RBMS2: variants seen among roughly 807,000 people sequenced by gnomAD.
RBMS2 encodes RNA binding motif single stranded interacting protein 2.
Under a neutral mutation model 58.4 loss-of-function variants are expected in RBMS2, and 38 were observed. The ratio of observed to expected loss-of-function variants is 0.65; its 90% CI spans 0.50 to 0.85. The LOEUF is 0.85. Ranked by LOEUF, RBMS2 falls within the 40% of genes least tolerant of loss-of-function variation. The probability of loss-of-function intolerance (pLI) is 0.00; values close to 1 mark genes in which losing one functional copy is unlikely to be tolerated. For missense variants in RBMS2, 367 were observed against 503.7 expected (o/e 0.73, Z 2.60); for synonymous variants, 151 against 180.7 (o/e 0.84, Z 1.32).
At chr12:56,579,457 C>T (rs1022811292) in intron 5 of RBMS2, among the ~76,000 whole-genome samples, 4 of 151,936 alleles carry the variant, frequency 2.6e-5, no homozygotes, top group African/African-American at 4.8e-5. Flanking sequence ...GGTGAAACCC[C>T]GTCTCTACTA....
At chr12:56,538,513 TG>T (rs1875413687) in intron 1 of RBMS2, among the ~76,000 whole-genome samples, 2 of 131,008 alleles carry the variant, frequency 1.5e-5, no homozygotes, top group South Asian at 5.5e-4. Context: ...AGTCTCAGGC[TG>T]TCTCACTCTG....
intron 1 of RBMS2, among the ~76,000 whole-genome samples, chr12:56,547,357 A>T (rs1877428990): frequency 6.6e-6 from 1 of 151,126 alleles, no homozygotes; most frequent in South Asian, 2.1e-4. Context: ...CTCCATCTGA[A>T]AAAACAAAAA....
chr12:56,546,657 CAG>C (rs1046397521), intron 1 of RBMS2, among the ~76,000 whole-genome samples: 11 of 151,904 alleles, frequency 7.2e-5, no homozygotes, highest in African/African-American at 2.7e-4. Context: ...TTAGTAGAGA[CAG>C]AACTTCACCA....
chr12:56,586,809 G>C (rs1884730937), intron 9 of RBMS2, 40 bp from the exon 10 acceptor site: 2 of 1,532,748 alleles, frequency 1.3e-6, no homozygotes, highest in South Asian at 2.2e-5. Context: ...CTGAATAATA[G>C]TTTCCAGGCA....
At position 56,591,498 on chromosome 12, in the gene RBMS2, C is replaced by G. The variant is rs1885304157; in HGVS notation, c.*2365C>G. ...TATCCAGTGTAAAATAGCCCCAAGC[C>G]CAGCAACCTTCTAGAGGGCTCTGGC... On this transcript the variant is annotated 3_prime_UTR_variant, in exon 14 of 14. Transcript: ENST00000262031. 1 of 152,136 alleles carries G rather than the reference C, an allele frequency of 6.6e-6. No individual in the cohort carries two copies. The highest frequency in any genetic ancestry group is 1.5e-5 in the Non-Finnish European group (1 of 68,026). 9.4% of individuals were successfully genotyped at this position (152,136 alleles called of 1,614,324 possible).
intron 7 of RBMS2, 92 bp downstream of exon 7, chr12:56,581,600 G>A (rs1645157880): frequency 7.4e-7 from 1 of 1,343,638 alleles, no homozygotes; most frequent in Admixed American, 1.9e-5. Flanking sequence ...TAGGTGGAAA[G>A]CTTGAGAGCT....
chr12:56,535,376 T>C (rs7299656), intron 1 of RBMS2, among the ~76,000 whole-genome samples: 67,628 of 150,700 alleles, frequency 0.45, 15,924 homozygotes, highest in East Asian at 0.59. Context: ...ATGCCTGTGG[T>C]CCCAGCTACT....
At position 56,589,266 on chromosome 12, in the gene RBMS2, C is replaced by T. The variant is rs145048657; in HGVS notation, c.*133C>T. ...CTGCTAAGGACTAACACTTAGCCAT[C>T]GTTTTTCACAGGCCTGGGCCTGGAA... On this transcript the variant is annotated 3_prime_UTR_variant, in exon 14 of 14. Transcript: ENST00000262031. 18 of 1,441,890 alleles carry T rather than the reference C, an allele frequency of 1.2e-5. No homozygotes were observed. Among genetic ancestry groups the T allele is most frequent in the African/African-American group, 2.8e-5 (2 of 70,858 alleles). The allele number at this position is 1,441,890 out of a possible 1,614,324, so 89.3% of individuals were successfully genotyped here.
At chr12:56,588,604 G>A (rs1885004265) in intron 12 of RBMS2, 2 of 584,676 alleles carry the variant, frequency 3.4e-6, no homozygotes, top group South Asian at 4.3e-5. Flanking sequence ...GCAAATTTGT[G>A]AAGCGTTCCA....
chr12:56,536,705 C>G (rs1015879436), intron 1 of RBMS2, among the ~76,000 whole-genome samples: 2 of 148,066 alleles, frequency 1.4e-5, no homozygotes, highest in Non-Finnish European at 3.0e-5. Flanking sequence ...GTAGCTGGGA[C>G]TACAGGCGTT....
chr12:56,559,712 G>A (rs1310937481), intron 1 of RBMS2, among the ~76,000 whole-genome samples: 3 of 150,062 alleles, frequency 2.0e-5, no homozygotes, highest in Middle Eastern at 3.4e-3. Context: ...TTAGCCAGGC[G>A]TGGTGGCGGG....
intron 5 of RBMS2, chr12:56,573,086 C>G: frequency 1.1e-6 from 1 of 943,016 alleles, no homozygotes; most frequent in Non-Finnish European, 1.3e-6. Context: ...TTCAAAATGA[C>G]TGGACTAAGT....
chr12:56,527,313 G>A (rs1872832502), intron 1 of RBMS2, among the ~76,000 whole-genome samples: 1 of 152,106 alleles, frequency 6.6e-6, no homozygotes, highest in Non-Finnish European at 1.5e-5. Flanking sequence ...AACTCAAATG[G>A]TTAAAGTTTA....
At chr12:56,529,914 G>A (rs762445501) in intron 1 of RBMS2, among the ~76,000 whole-genome samples, 10 of 152,084 alleles carry the variant, frequency 6.6e-5, no homozygotes, top group Non-Finnish European at 1.5e-4. Flanking sequence ...TTGAATTTAT[G>A]CTTTCTTTAT....
chr12:56,580,230 C>CT (rs544289831), intron 5 of RBMS2: 17,262 of 310,740 alleles, frequency 0.056, 27 homozygotes, highest in South Asian at 0.078. Context: ...TGAGCCTGGC[C>CT]TTTTTTTTTT....
At chr12:56,533,084 G>A (rs1237880948) in intron 1 of RBMS2, among the ~76,000 whole-genome samples, 5 of 151,732 alleles carry the variant, frequency 3.3e-5, no homozygotes, top group African/African-American at 4.8e-5. Context: ...ACAGATGTGC[G>A]TCACCATGCC....
intron 5 of RBMS2, among the ~76,000 whole-genome samples, chr12:56,580,593 G>C (rs561133568): frequency 6.6e-6 from 1 of 152,268 alleles, no homozygotes; most frequent in Admixed American, 6.5e-5. Context: ...AGTGGTGCTG[G>C]AATCTCAGTC....
At chr12:56,581,960 C>G (rs535978146) in intron 8 of RBMS2, 81 bp downstream of exon 8, 1 of 1,582,126 alleles carries the variant, frequency 6.3e-7, no homozygotes, top group African/African-American at 1.3e-5. Context: ...TTGATTCTCT[C>G]TATTTGAAAG....
Position 56,588,463 on chromosome 12 carries a change from T to A in RBMS2, c.1143+89T>A, listed in dbSNP as rs1000021585. ...GATCAAGATCTTTCTCTCACAATGA[T>A]GCTGATTCTGTGTTCACAAATAGCT... On this transcript the variant is annotated intron_variant, in intron 12 of 13. Transcript: ENST00000262031. 7.4e-6 allele frequency: 9 copies of A among 1,213,176 alleles called. No homozygotes were observed. In the African/African-American group the frequency reaches 1.2e-4, roughly 16 times the overall value. The allele number at this position is 1,213,176 out of a possible 1,614,324, so 75.2% of individuals were successfully genotyped here.
Sources: gnomAD v4.1 joint callset for allele counts (sites outside exome capture counted in the v4.1 genomes callset) on GRCh38, gnomAD v4.1.1 for gene constraint, MANE v1.5 for transcripts, NCBI Gene and HGNC (gene_info 2026-07-23, HGNC 2026-07-21) for gene names.